Variants in CRYBG1 observed in about 807,000 individuals in gnomAD.
The protein encoded by CRYBG1 is beta/gamma crystallin domain-containing protein 1.
CRYBG1 carries 139 observed loss-of-function variants against 189.2 expected under a neutral mutation model. That is an observed-to-expected ratio of 0.73 (90% CI 0.64 to 0.85). CRYBG1 has a LOEUF of 0.85. Ranked by LOEUF, CRYBG1 falls within the 40% of genes least tolerant of loss-of-function variation. The pLI, the probability that CRYBG1 is intolerant of heterozygous loss-of-function variation, is 0.00. For missense variants in CRYBG1, 2,611 were observed against 2,675.8 expected, an observed-to-expected ratio of 0.98 and a Z score of 0.53; for synonymous variants, 1,023 against 1,017.1, an observed-to-expected ratio of 1.01 and a Z score of -0.11.
At chr6:106,490,791 G>A (rs1772704162) in intron 2 of CRYBG1, among the ~76,000 whole-genome samples, 2 of 152,212 alleles carry the variant, frequency 1.3e-5, no homozygotes, top group Admixed American at 1.3e-4. Context: ...ATTTGGCTAA[G>A]GGAGCAGAAA....
At chr6:106,422,331 T>TATTTATTTATTA (rs1163274423) in intron 1 of CRYBG1, among the ~76,000 whole-genome samples, 3 of 116,466 alleles carry the variant, frequency 2.6e-5, no homozygotes, top group African/African-American at 9.5e-5. Context: ...GTTATTTATT[T>TATTTATTTATTA]ATTTATTTAT....
chr6:106,508,120 A>G (rs112520455), intron 2 of CRYBG1, among the ~76,000 whole-genome samples: 1 of 152,306 alleles, frequency 6.6e-6, no homozygotes, highest in African/African-American at 2.4e-5. Context: ...GCACATGCCT[A>G]TAGTCTCAGC....
Position 106,451,832 on chromosome 6 carries a change from GGTAAT to G in CRYBG1, c.312+2_312+6del, listed in dbSNP as rs1468683624. ...TTCTAGAGTCTGGAATATTTAAAAAGGTAATGCTTCATTTCTAATGTTTGACTCCC... is the reference window on the plus strand; with the variant it reads ...TTCTAGAGTCTGGAATATTTAAAAAGGCTTCATTTCTAATGTTTGACTCCC... On this transcript the variant is annotated splice_donor_variant and splice_donor_5th_base_variant and intron_variant, in intron 2 of 21. Transcript: ENST00000633556. LOFTEE classifies it high-confidence loss of function. 1.3e-6 allele frequency: 2 copies of G among 1,532,076 alleles called. No individual in the cohort carries two copies. Among genetic ancestry groups the G allele is most frequent in the Non-Finnish European group, 1.7e-6 (2 of 1,144,980 alleles). 94.9% of individuals were successfully genotyped at this position (1,532,076 alleles called of 1,614,324 possible).
chr6:106,467,462 A>G (rs1772137465), intron 2 of CRYBG1, among the ~76,000 whole-genome samples: 2 of 152,100 alleles, frequency 1.3e-5, no homozygotes, highest in African/African-American at 4.8e-5. Flanking sequence ...ACAGAGTAAG[A>G]CCCTGTCTCA....
chr6:106,526,764 A>C (rs895000495), intron 6 of CRYBG1, among the ~76,000 whole-genome samples: 1 of 151,980 alleles, frequency 6.6e-6, no homozygotes, highest in Non-Finnish European at 1.5e-5. Context: ...AACATGGGGA[A>C]ACTCAGTCTC....
At chr6:106,518,372 C>G (rs1429012250) in intron 3 of CRYBG1, among the ~76,000 whole-genome samples, 1 of 152,078 alleles carries the variant, frequency 6.6e-6, no homozygotes, top group African/African-American at 2.4e-5. Context: ...TAAAATCTAT[C>G]CTTTTGAGAT....
intron 8 of CRYBG1, among the ~76,000 whole-genome samples, chr6:106,536,377 T>A (rs1183220082): frequency 6.6e-6 from 1 of 152,254 alleles, no homozygotes; most frequent in Non-Finnish European, 1.5e-5. Flanking sequence ...CTTTCCATTG[T>A]AAAGGTTCAT....
chr6:106,560,947 C>G, intron 19 of CRYBG1, 21 bp downstream of exon 19: 1 of 1,578,472 alleles, frequency 6.3e-7, no homozygotes, highest in Non-Finnish European at 8.6e-7. Flanking sequence ...CCTCTCCATG[C>G]TCTGCATAGA....
At position 106,570,537 on chromosome 6, in the gene CRYBG1, T is replaced by A. The variant is rs1775029368; in HGVS notation, c.*1971T>A. 6.6e-6 allele frequency: 1 copy of A among 152,204 alleles called. No individual in the cohort carries two copies. Among genetic ancestry groups the A allele is most frequent in the Non-Finnish European group, 1.5e-5 (1 of 68,036 alleles). The allele number at this position is 152,204 out of a possible 1,614,324, so 9.4% of individuals were successfully genotyped here. ...AGCAGATTAGAAACAAATGTCTGAT[T>A]AGGATGAAGCAGGTTTGAGGGGTGC... On this transcript the variant is annotated 3_prime_UTR_variant, in exon 22 of 22. Transcript: ENST00000633556.
chr6:106,467,482 AAAAAG>A (rs921862426), intron 2 of CRYBG1, among the ~76,000 whole-genome samples: 1 of 152,142 alleles, frequency 6.6e-6, no homozygotes, highest in African/African-American at 2.4e-5. Context: ...AAAGAAAAGA[AAAAAG>A]AAAAGAAAAC....
At chr6:106,511,341 T>C (rs1773252899) in intron 2 of CRYBG1, 89 bp from the exon 3 acceptor site, 1 of 1,164,488 alleles carries the variant, frequency 8.6e-7, no homozygotes, top group Non-Finnish European at 1.2e-6. Context: ...TGGTCTGTTA[T>C]CATTTTGGCT....
At chr6:106,566,482 T>TG (rs1784355035) in intron 21 of CRYBG1, among the ~76,000 whole-genome samples, 1 of 137,046 alleles carries the variant, frequency 7.3e-6, no homozygotes, top group Non-Finnish European at 1.6e-5. Context: ...TTTTTTTTTT[T>TG]TTTTTTTGAG....
rs578233366 is a variant in CRYBG1, at chr6:106,496,812, C to T, written c.313-14618C>T. 2.7e-4 allele frequency among the ~76,000 whole-genome samples: 41 copies of T among 152,278 alleles called. No homozygotes were observed. The South Asian group carries it at 7.3e-3, about 27-fold the overall frequency. ...TGGCAAGTGCTGCAGGTACTAACAG[C>T]GTAGTGGCTAGTGAGACGACATTTT... On this transcript the variant is annotated intron_variant, in intron 2 of 21. Transcript: ENST00000633556.
chr6:106,525,738 A>T (rs190933977), intron 6 of CRYBG1, among the ~76,000 whole-genome samples: 1 of 152,172 alleles, frequency 6.6e-6, no homozygotes, highest in Non-Finnish European at 1.5e-5. Flanking sequence ...TGCACTAGTT[A>T]TGTTGATAGG....
intron 17 of CRYBG1, among the ~76,000 whole-genome samples, chr6:106,557,965 A>G (rs186441011): frequency 6.6e-6 from 1 of 152,248 alleles, no homozygotes; most frequent in African/African-American, 2.4e-5. Context: ...TTCCTACAGG[A>G]AAGTTTGGGA....
At chr6:106,475,839 G>C (rs1054304880) in intron 2 of CRYBG1, among the ~76,000 whole-genome samples, 2 of 152,220 alleles carry the variant, frequency 1.3e-5, no homozygotes, top group Non-Finnish European at 2.9e-5. Context: ...TCATGGACCA[G>C]AGAAGAGGCC....
chr6:106,499,748 T>C (rs1330203605), intron 2 of CRYBG1, among the ~76,000 whole-genome samples: 1 of 152,212 alleles, frequency 6.6e-6, no homozygotes, highest in African/African-American at 2.4e-5. Flanking sequence ...ATGGTCACCA[T>C]GCTGTGCAAT....
At chr6:106,552,248 T>C (rs1774420084) in intron 15 of CRYBG1, 32 bp downstream of exon 15, 2 of 1,377,964 alleles carry the variant, frequency 1.5e-6, no homozygotes, top group African/African-American at 3.0e-5. Flanking sequence ...TATATTAATA[T>C]ATAAAGGGCC....
In CRYBG1 at chr6:106,512,498, G is replaced by C; in HGVS notation, c.1381G>C (p.Ala461Pro). 6.2e-7 allele frequency: 1 copy of C among 1,611,228 alleles called. No individual in the cohort carries two copies. Among genetic ancestry groups the C allele is most frequent in the South Asian group, 1.1e-5 (1 of 90,750 alleles). ...EVAPNAASDN[A>P]SAEKKVKSPR... ...GGCGCCAAACGCGGCCAGCGATAAC[G>C]CCTCGGCGGAAAAGAAAGTGAAATC... The change falls in exon 3 of 22, where the codon GCC becomes CCC. Residue 461 changes from alanine (A) to proline (P), a missense_variant. Transcript: ENST00000633556.
Sources: gnomAD v4.1 joint callset for allele counts (sites outside exome capture counted in the v4.1 genomes callset) on GRCh38, gnomAD v4.1.1 for gene constraint, MANE v1.5 for transcripts, NCBI Gene and HGNC (gene_info 2026-07-23, HGNC 2026-07-21) for gene names.